The following LYPLAL1 variants were observed in gnomAD, a reference collection of about 807,000 sequenced individuals.
The protein encoded by LYPLAL1 is lysophospholipase-like protein 1.
In LYPLAL1, 23 loss-of-function variants were observed where a neutral mutation model predicts 19.7. The ratio of observed to expected loss-of-function variants is 1.17; its 90% CI spans 0.84 to 1.65. The LOEUF (loss-of-function observed/expected upper bound fraction) is 1.65. LYPLAL1 is among the 40% of genes most tolerant of loss of function. LYPLAL1 has a pLI of 0.00. For missense variants in LYPLAL1, 355 were observed against 279.4 expected, an observed-to-expected ratio of 1.27 and a Z score of -1.93; for synonymous variants, 119 against 96.3, an observed-to-expected ratio of 1.24 and a Z score of -1.38.
At chr1:219,251,033 G>C in the LYPLAL1 span, among the ~76,000 whole-genome samples, 1 of 152,030 alleles carries the variant, frequency 6.6e-6, no homozygotes, top group Admixed American at 6.6e-5. Context: ...TTATGGCTTT[G>C]ATTTTCATTT....
At chr1:219,236,167 T>G in the LYPLAL1 span, among the ~76,000 whole-genome samples, 2 of 152,192 alleles carry the variant, frequency 1.3e-5, no homozygotes, top group Admixed American at 6.5e-5. Context: ...TTCTATACAT[T>G]TAGGAGCACT....
chr1:219,199,169 C>T (rs1408415416), intron 3 of LYPLAL1, among the ~76,000 whole-genome samples: 2 of 151,944 alleles, frequency 1.3e-5, no homozygotes, highest in Admixed American at 6.5e-5. Context: ...TATGTGAGTC[C>T]CTCAGTTACC....
At chr1:219,445,282 T>C in the LYPLAL1 span, among the ~76,000 whole-genome samples, 1 of 151,938 alleles carries the variant, frequency 6.6e-6, no homozygotes, top group African/African-American at 2.4e-5. Flanking sequence ...CCTGGATCAA[T>C]GGAACTGATG....
the LYPLAL1 span, among the ~76,000 whole-genome samples, chr1:219,437,698 C>T: frequency 1.3e-5 from 2 of 151,822 alleles, no homozygotes; most frequent in Non-Finnish European, 2.9e-5. Context: ...AATTAAGTCC[C>T]TTCTCTCCCT....
At chr1:219,342,568 T>G in the LYPLAL1 span, among the ~76,000 whole-genome samples, 6 of 152,164 alleles carry the variant, frequency 3.9e-5, no homozygotes, top group Non-Finnish European at 8.8e-5. Context: ...ACTGGCAGCC[T>G]AATTTGTTAG....
the LYPLAL1 span, among the ~76,000 whole-genome samples, chr1:219,304,847 A>C: frequency 6.6e-6 from 1 of 152,190 alleles, no homozygotes; most frequent in Non-Finnish European, 1.5e-5. Flanking sequence ...ACAATAAACG[A>C]GTCGCAGGAA....
At chr1:219,200,890 C>T (rs1412255977) in intron 3 of LYPLAL1, among the ~76,000 whole-genome samples, 1 of 152,222 alleles carries the variant, frequency 6.6e-6, no homozygotes, top group East Asian at 1.9e-4. Context: ...GGAAGCAGTC[C>T]ACTAACCTGG....
At chr1:219,318,999 A>C in the LYPLAL1 span, among the ~76,000 whole-genome samples, 1 of 152,168 alleles carries the variant, frequency 6.6e-6, no homozygotes, top group Non-Finnish European at 1.5e-5. Context: ...TCTTTTTCAA[A>C]TGAAAGGCTT....
intron 2 of LYPLAL1, among the ~76,000 whole-genome samples, chr1:219,180,720 C>T (rs1297262859): frequency 6.6e-6 from 1 of 152,158 alleles, no homozygotes. Context: ...TCTGATTAAT[C>T]ATAAGACCAC....
chr1:219,422,489 G>A, the LYPLAL1 span, among the ~76,000 whole-genome samples: 4 of 152,064 alleles, frequency 2.6e-5, no homozygotes, highest in African/African-American at 9.7e-5. Context: ...GCAGGACAAA[G>A]GGTACATAGC....
chr1:219,284,299 A>G, the LYPLAL1 span, among the ~76,000 whole-genome samples: 1 of 152,216 alleles, frequency 6.6e-6, no homozygotes, highest in Non-Finnish European at 1.5e-5. Flanking sequence ...CTTAATGAGC[A>G]AAAGTCCTGA....
chr1:219,377,620 C>A, the LYPLAL1 span, among the ~76,000 whole-genome samples: 10 of 152,072 alleles, frequency 6.6e-5, no homozygotes, highest in Admixed American at 2.6e-4. Flanking sequence ...TGGAGATTGC[C>A]TCTTCTTTAA....
chr1:219,316,984 A>G, the LYPLAL1 span, among the ~76,000 whole-genome samples: 1 of 152,220 alleles, frequency 6.6e-6, no homozygotes, highest in African/African-American at 2.4e-5. Context: ...TGGATGCACA[A>G]CATTACTAAT....
the LYPLAL1 span, among the ~76,000 whole-genome samples, chr1:219,426,694 G>A: frequency 5.1e-4 from 77 of 152,166 alleles, no homozygotes; most frequent in Non-Finnish European, 7.8e-4. Flanking sequence ...TGCCTCCCAG[G>A]TTCAAGCAAT....
downstream of LYPLAL1, among the ~76,000 whole-genome samples, chr1:219,214,092 G>A (rs529114895): frequency 3.9e-5 from 6 of 152,126 alleles, no homozygotes; most frequent in South Asian, 2.1e-4. Context: ...GAGTTATTAC[G>A]ATGAATGGCT....
At chr1:219,397,352 A>G in the LYPLAL1 span, among the ~76,000 whole-genome samples, 5 of 152,160 alleles carry the variant, frequency 3.3e-5, no homozygotes, top group African/African-American at 4.8e-5. Context: ...CAATGTTCAT[A>G]AAGGATATTG....
the LYPLAL1 span, among the ~76,000 whole-genome samples, chr1:219,303,623 A>G: frequency 6.6e-6 from 1 of 152,202 alleles, no homozygotes; most frequent in East Asian, 1.9e-4. Context: ...CTCAAATACT[A>G]TTTTATTGCC....
At chr1:219,416,281 C>T in the LYPLAL1 span, among the ~76,000 whole-genome samples, 2 of 152,188 alleles carry the variant, frequency 1.3e-5, no homozygotes, top group Non-Finnish European at 2.9e-5. Flanking sequence ...GACAGTTTCT[C>T]AGACCTTCCT....
chr1:219,326,945 C>A, the LYPLAL1 span, among the ~76,000 whole-genome samples: 4 of 152,092 alleles, frequency 2.6e-5, no homozygotes, highest in Non-Finnish European at 5.9e-5. Flanking sequence ...CAGTAAACAA[C>A]AGCAGGGGCC....
Sources: gnomAD v4.1 joint callset for allele counts (sites outside exome capture counted in the v4.1 genomes callset) on GRCh38, gnomAD v4.1.1 for gene constraint, MANE v1.5 for transcripts, NCBI Gene and HGNC (gene_info 2026-07-23, HGNC 2026-07-21) for gene names.